The following COL12A1 variants were observed in gnomAD, a reference collection of about 807,000 sequenced individuals.
The protein encoded by COL12A1 is collagen type XII alpha 1 chain, also known as collagen alpha-1(XII) chain.
A neutral mutation model predicts 349.7 loss-of-function variants in COL12A1; 114 were observed. That is an observed-to-expected ratio of 0.33 (90% CI 0.28 to 0.38). COL12A1 has a LOEUF of 0.38. Among genes scored for constraint, COL12A1 ranks in the 10% least tolerant of loss-of-function variants. The probability of loss-of-function intolerance (pLI) is 1.00; values close to 1 mark genes in which losing one functional copy is unlikely to be tolerated. For missense variants in COL12A1, 3,284 were observed against 3,756.9 expected (o/e 0.87, Z 3.29); for synonymous variants, 1,369 against 1,329.0 (o/e 1.03, Z -0.66).
Position 75,189,351 on chromosome 6 carries a change from G to T in COL12A1, c.689C>A (p.Thr230Asn). The T allele has an allele frequency of 1.2e-6, 2 of 1,612,838 alleles. No individual in the cohort carries two copies. Among genetic ancestry groups the T allele is most frequent in the Non-Finnish European group, 1.7e-6 (2 of 1,179,398 alleles). The change falls in exon 7 of 66, where the codon ACT becomes AAT. Residue 230 changes from threonine to asparagine, a missense_variant. Thr to Asn is a moderately conservative substitution (Grantham distance 65). Around this residue, in one of 2 missense-constraint regions of COL12A1, gnomAD observed 2,601 missense variants for 2,824.8 expected, o/e 0.92. Transcript: ENST00000322507. ...TCTTGCCCCAGCAGATTCCGTGAAA[G>T]TATTTTTAACTAAATAATCAATGGC... Reference protein sequence around the residue: ...GDAIDYLVKNTFTESAGARVG... With the variant: ...GDAIDYLVKNNFTESAGARVG...
intron 2 of COL12A1, among the ~76,000 whole-genome samples, chr6:75,197,001 AG>A (rs1466557839): frequency 6.6e-6 from 1 of 152,212 alleles, no homozygotes; most frequent in Non-Finnish European, 1.5e-5. Flanking sequence ...GAATCAAAGT[AG>A]AAAAGAATGG....
rs200137806 is a variant in COL12A1, at chr6:75,125,120, G to T, written c.6607+7C>A. On this transcript the variant is annotated splice_region_variant and intron_variant, in intron 40 of 65. Transcript: ENST00000322507. Reference sequence around the variant, plus strand: ...TTCTCACAACCATGAAAATATCCATGACTCACATGTAGTGCCTTGATCTGT... The same window carrying T: ...TTCTCACAACCATGAAAATATCCATTACTCACATGTAGTGCCTTGATCTGT... The T allele has an allele frequency of 1.9e-6, 3 of 1,571,720 alleles. No individual in the cohort carries two copies. Among genetic ancestry groups the T allele is most frequent in the Admixed American group, 3.7e-5 (2 of 53,958 alleles).
intron 27 of COL12A1, among the ~76,000 whole-genome samples, chr6:75,141,065 G>A (rs184638808): frequency 1.3e-5 from 2 of 152,152 alleles, no homozygotes; most frequent in African/African-American, 4.8e-5. Flanking sequence ...GGATATACTG[G>A]GTTAAATAAA....
rs367589817 is a variant in COL12A1 at position 75,170,596 on chromosome 6, A to T, written c.2710+4442T>A. Among the ~76,000 whole-genome samples, 49 of 152,274 alleles carry T rather than the reference A, an allele frequency of 3.2e-4. No individual in the cohort carries two copies. In the East Asian group the frequency reaches 9.4e-3, roughly 29 times the overall value. On this transcript the variant is annotated intron_variant, in intron 13 of 65. Coordinates refer to ENST00000322507, the MANE Select transcript of COL12A1 (RefSeq NM_004370.6). Reference sequence around the variant, plus strand: ...AAAAAGTGTTTCTTCCGTAATTATCACCTCTCCACATTGACTTCAATTTTT... The same window carrying T: ...AAAAAGTGTTTCTTCCGTAATTATCTCCTCTCCACATTGACTTCAATTTTT...
chr6:75,093,233 G>C (rs1048617043), intron 60 of COL12A1, among the ~76,000 whole-genome samples: 6 of 152,176 alleles, frequency 3.9e-5, no homozygotes, highest in Non-Finnish European at 7.3e-5. Context: ...CTTGTTTGCT[G>C]TTATATCACC....
Position 75,125,257 on chromosome 6 carries a change from C to T in COL12A1, c.6477G>A (p.Met2159Ile), listed in dbSNP as rs1350251089. 5.0e-6 allele frequency: 8 copies of T among 1,606,692 alleles called. No individual in the cohort carries two copies. The highest frequency in any genetic ancestry group is 5.9e-6 in the Non-Finnish European group (7 of 1,176,480). Residue 2159 changes from methionine to isoleucine, a missense_variant, in exon 40 of 66, where the codon ATG becomes ATA. Physicochemically the swap from Met to Ile is conservative, Grantham distance 10 (BLOSUM62 1). Around this residue, in one of 2 missense-constraint regions of COL12A1, gnomAD observed 2,601 missense variants for 2,824.8 expected, o/e 0.92. Transcript: ENST00000322507. ...VYKPVGSNEP[M>I]EAFVGEMTSY... Reference sequence around the variant, plus strand: ...ATGTCATTTCTCCAACAAAGGCTTCCATGGGCTCATTGGAACCTTTATTAA... The same window carrying T: ...ATGTCATTTCTCCAACAAAGGCTTCTATGGGCTCATTGGAACCTTTATTAA...
At chr6:75,109,225 C>A in intron 51 of COL12A1, 58 bp from the exon 52 acceptor site, 1 of 1,260,028 alleles carries the variant, frequency 7.9e-7, no homozygotes, top group Non-Finnish European at 1.1e-6. Context: ...TTAGCTGACT[C>A]TGCATAGTTT....
intron 43 of COL12A1, among the ~76,000 whole-genome samples, chr6:75,122,047 A>G (rs1765757850): frequency 6.6e-6 from 1 of 151,946 alleles, no homozygotes; most frequent in African/African-American, 2.4e-5. Flanking sequence ...TTTAGCAGAG[A>G]CGGGTTTAAC....
In COL12A1 at chr6:75,090,268, T is replaced by C. The variant is rs958659737; in HGVS notation, c.8783A>G (p.Asn2928Ser). The change falls in exon 63 of 66, where the codon AAT becomes AGT. Residue 2928 changes from asparagine (N) to serine (S), a missense_variant. Physicochemically the swap from Asn to Ser is conservative, Grantham distance 46. This residue lies in a region of COL12A1 where 683 missense variants were observed against 932.1 expected (regional missense o/e 0.73). Transcript: ENST00000322507. This position sits in a 1 kb window ranked among gnomAD's most constrained non-coding sequence, Gnocchi z 4.1. ...GGACTGGTAATCATTTGGAATCTGA[T>C]TCAGCATCTGATTGAATCTGTTCAT... Reference protein sequence around the residue: ...GQMNRFNQMLNQIPNDYQSSR... With the variant: ...GQMNRFNQMLSQIPNDYQSSR... The C allele has an allele frequency of 1.2e-6, 2 of 1,613,088 alleles. No individual in the cohort carries two copies. Among genetic ancestry groups the C allele is most frequent in the Non-Finnish European group, 1.7e-6 (2 of 1,179,256 alleles).
intron 14 of COL12A1, 71 bp from the exon 15 acceptor site, chr6:75,156,594 G>A (rs1767784215): frequency 7.0e-7 from 1 of 1,424,700 alleles, no homozygotes; most frequent in African/African-American, 1.4e-5. Context: ...CTTCATTTAT[G>A]TGAAAAGAAA....
intron 31 of COL12A1, 80 bp downstream of exon 31, chr6:75,137,353 GACTA>G: frequency 4.9e-6 from 6 of 1,234,774 alleles, no homozygotes; most frequent in East Asian, 2.6e-5. Flanking sequence ...AAGTAAGTAT[GACTA>G]ACTAAGCACT....
intron 17 of COL12A1, among the ~76,000 whole-genome samples, chr6:75,152,966 G>A (rs1767567015): frequency 1.3e-5 from 2 of 151,984 alleles, no homozygotes; most frequent in Admixed American, 1.3e-4. Flanking sequence ...GATAAAATAT[G>A]TAAACTAAAA....
At chr6:75,179,354 A>T (rs2149459403) in intron 11 of COL12A1, among the ~76,000 whole-genome samples, 1 of 152,192 alleles carries the variant, frequency 6.6e-6, no homozygotes. Context: ...TTCCCCTCCC[A>T]AAATGCTGAA....
At chr6:75,204,002 G>C (rs1345223510) in intron 1 of COL12A1, among the ~76,000 whole-genome samples, 3 of 152,200 alleles carry the variant, frequency 2.0e-5, no homozygotes, top group African/African-American at 7.2e-5. Context: ...CAAATTATTG[G>C]CACAAAGCAT....
intron 14 of COL12A1, among the ~76,000 whole-genome samples, chr6:75,161,048 C>A (rs987928715): frequency 6.6e-6 from 1 of 152,018 alleles, no homozygotes; most frequent in Non-Finnish European, 1.5e-5. Context: ...TAGCTCAGGG[C>A]GAAAGGGAGA....
At chr6:75,194,987 T>A (rs1484029993) in intron 2 of COL12A1, 40 bp from the exon 3 acceptor site, 1 of 1,125,614 alleles carries the variant, frequency 8.9e-7, no homozygotes, top group Admixed American at 2.1e-5. Flanking sequence ...CTTTTCAATG[T>A]CACAAAATGG....
In COL12A1 at chr6:75,115,852, C is replaced by A. The variant is rs1479387040; in HGVS notation, c.7629G>T (p.Glu2543Asp). ...CTGAGTAGCTGGGGAAAGACCCTGA[C>A]TCCAAAGATACTCCTTGTACAGAAG... is the stretch of plus-strand genomic sequence containing the variant. ...NFASVQGVSLESGSFPSYSAY... is the reference protein window; with the variant it reads ...NFASVQGVSLDSGSFPSYSAY... Residue 2543 changes from glutamate (E) to aspartate (D), a missense_variant, in exon 49 of 66, where the codon GAG becomes GAT. Transcript: ENST00000322507. 1 of 1,613,676 alleles carries A rather than the reference C, an allele frequency of 6.2e-7. No homozygotes were observed. The highest frequency in any genetic ancestry group is 1.1e-5 in the South Asian group (1 of 91,064).
chr6:75,187,170 A>T (rs1483270501), intron 8 of COL12A1, among the ~76,000 whole-genome samples: 1 of 148,948 alleles, frequency 6.7e-6, no homozygotes, highest in African/African-American at 2.4e-5. Flanking sequence ...ATATATATAT[A>T]TATATATTTA....
At chr6:75,192,053 G>A (rs180939619) in intron 4 of COL12A1, among the ~76,000 whole-genome samples, 159 bp downstream of exon 4, 2 of 151,908 alleles carry the variant, frequency 1.3e-5, no homozygotes, top group Admixed American at 1.3e-4. Context: ...TATAAATCAG[G>A]AATGAATTAT....
Sources: allele counts gnomAD v4.1 joint callset (sites outside exome capture counted in the v4.1 genomes callset), GRCh38; gene constraint gnomAD v4.1.1; regional missense constraint gnomAD v4.1.1; non-coding constraint Gnocchi (gnomAD v3.1); transcripts MANE v1.5; gene names NCBI Gene and HGNC (gene_info 2026-07-23, HGNC 2026-07-21).